Variants in CDKL5 observed in about 807,000 individuals in gnomAD.
CDKL5 encodes the protein cyclin-dependent kinase-like 5.
A neutral mutation model predicts 61.7 loss-of-function variants in CDKL5; 8 were observed. The observed-to-expected ratio is 0.13, with a 90% confidence interval of 0.08 to 0.23. The LOEUF is 0.23. Ranked by LOEUF, CDKL5 falls within the 10% of genes least tolerant of loss-of-function variation. CDKL5 has a pLI of 1.00. For missense variants in CDKL5, 440 were observed against 734.5 expected (o/e 0.60, Z 4.63); for synonymous variants, 275 against 272.3 (o/e 1.01, Z -0.10).
chrX:18,486,049 C>G (rs1489267392), intron 1 of CDKL5, among the ~76,000 whole-genome samples: 1 of 111,636 alleles, frequency 9.0e-6, no homozygotes, highest in Non-Finnish European at 1.9e-5. Context: ...GACTTCTTAG[C>G]ATGGTATAGA....
At position 18,624,495 on chromosome X, in the gene CDKL5, G is replaced by C. The variant is rs186324276; in HGVS notation, c.2377-633G>C. On this transcript the variant is annotated intron_variant, in intron 16 of 17. Transcript: ENST00000623535. ...CAGTTTAAAACCAGGGCTTTTGCTT[G>C]GCATTTGACATTACTCTTCTGTGTT... Among the ~76,000 whole-genome samples the C allele has an allele frequency of 5.4e-5, 6 of 111,858 alleles. No individual in the cohort carries two copies. The East Asian group carries it at 8.4e-4, about 16-fold the overall frequency.
chrX:18,459,462 T>C (rs1448825040), intron 1 of CDKL5, among the ~76,000 whole-genome samples: 1 of 109,111 alleles, frequency 9.2e-6, no homozygotes, highest in African/African-American at 3.3e-5. Flanking sequence ...CTCGGGAGGC[T>C]GAGGCAGGAG....
intron 3 of CDKL5, among the ~76,000 whole-genome samples, chrX:18,561,311 T>C (rs946530497): frequency 3.6e-5 from 4 of 111,297 alleles, no homozygotes; most frequent in Admixed American, 2.9e-4. Context: ...TAGGACACTT[T>C]GTCAGAAAAC....
chrX:18,593,155 A>G (rs1297674664), intron 9 of CDKL5, among the ~76,000 whole-genome samples: 1 of 112,032 alleles, frequency 8.9e-6, no homozygotes, highest in Non-Finnish European at 1.9e-5. Context: ...AGGCATTCTC[A>G]TTGGATTGTA....
At chrX:18,647,593 A>G in intron 20 of CDKL5, 1 of 378,876 alleles carries the variant, frequency 2.6e-6, no homozygotes, top group South Asian at 4.1e-5. Flanking sequence ...CTCTATGGCA[A>G]CTTCACAAGG....
intron 1 of CDKL5, among the ~76,000 whole-genome samples, chrX:18,446,560 A>G (rs1309411763): frequency 1.8e-5 from 2 of 111,894 alleles, no homozygotes; most frequent in African/African-American, 6.5e-5. Flanking sequence ...TCCTTTATGC[A>G]GTTGAAATTC....
intron 3 of CDKL5, among the ~76,000 whole-genome samples, chrX:18,539,829 T>A: frequency 8.9e-6 from 1 of 112,010 alleles, no homozygotes; most frequent in Non-Finnish European, 1.9e-5. Context: ...TAGTTACTGA[T>A]CTAGGTATTA....
At chrX:18,453,168 C>T (rs1398711355) in intron 1 of CDKL5, among the ~76,000 whole-genome samples, 3 of 111,399 alleles carry the variant, frequency 2.7e-5, no homozygotes, top group Non-Finnish European at 3.8e-5. Context: ...TCTTTTTGGT[C>T]ACACAACTTT....
chrX:18,434,174 A>C (rs1250606995), intron 1 of CDKL5, among the ~76,000 whole-genome samples: 1 of 112,091 alleles, frequency 8.9e-6, no homozygotes, highest in African/African-American at 3.2e-5. Context: ...TCCTTTGCTC[A>C]GTGTATTGCT....
chrX:18,477,781 C>T (rs1194708980), intron 1 of CDKL5, among the ~76,000 whole-genome samples: 1 of 111,529 alleles, frequency 9.0e-6, no homozygotes, highest in East Asian at 2.8e-4. Flanking sequence ...ATGTTAAAAC[C>T]TGAGATATGT....
chrX:18,580,713 A>C (rs375411233), intron 6 of CDKL5, among the ~76,000 whole-genome samples: 1 of 111,905 alleles, frequency 8.9e-6, no homozygotes, highest in East Asian at 2.8e-4. Flanking sequence ...CAATGACCCT[A>C]AATATTTATT....
intron 3 of CDKL5, among the ~76,000 whole-genome samples, chrX:18,541,519 T>TTTG (rs1924021686): frequency 8.9e-6 from 1 of 111,917 alleles, no homozygotes; most frequent in African/African-American, 3.2e-5. Context: ...ATAAGGTTTT[T>TTTG]TTGTTGTTGT....
At chrX:18,524,888 A>G (rs1923373929) in intron 3 of CDKL5, among the ~76,000 whole-genome samples, 1 of 111,570 alleles carries the variant, frequency 9.0e-6, no homozygotes, top group African/African-American at 3.3e-5. Context: ...TTTGTCAAAG[A>G]TCTGCTGATT....
At chrX:18,503,818 C>T (rs780662037) in intron 1 of CDKL5, among the ~76,000 whole-genome samples, 153 of 111,142 alleles carry the variant, frequency 1.4e-3, no homozygotes, top group African/African-American at 4.9e-3. Flanking sequence ...CACGGCTCAC[C>T]GCAGCTTCGC....
At chrX:18,649,041 C>CAA (rs746581850) in intron 20 of CDKL5, among the ~76,000 whole-genome samples, 3 of 50,807 alleles carry the variant, frequency 5.9e-5, no homozygotes, top group Non-Finnish European at 3.8e-5. Context: ...GACACTGTCT[C>CAA]AAAAAAAAAA....
intron 8 of CDKL5, among the ~76,000 whole-genome samples, chrX:18,584,979 T>A (rs1469119491): frequency 1.8e-5 from 2 of 112,370 alleles, no homozygotes; most frequent in African/African-American, 3.2e-5. Flanking sequence ...AACTTCCACA[T>A]TAAGAATGTG....
At chrX:18,554,713 G>A (rs1003530256) in intron 3 of CDKL5, among the ~76,000 whole-genome samples, 4 of 111,186 alleles carry the variant, frequency 3.6e-5, no homozygotes, top group African/African-American at 1.3e-4. Flanking sequence ...ACTGCGCCTG[G>A]CCATTTCACG....
intron 1 of CDKL5, among the ~76,000 whole-genome samples, chrX:18,483,288 C>A (rs1016304721): frequency 1.2e-4 from 13 of 111,755 alleles, no homozygotes; most frequent in African/African-American, 4.2e-4. Context: ...GAAGGGACTA[C>A]ATAACTTGCT....
Position 18,567,833 on chromosome X carries a change from C to T in CDKL5, c.145+3311C>T, listed in dbSNP as rs187884298. On this transcript the variant is annotated intron_variant, in intron 4 of 17. Coordinates refer to ENST00000623535, the MANE Select transcript of CDKL5 (RefSeq NM_001323289.2). ...CCAGAAGGTTGAGGCTGCAGTGAGC[C>T]GTGATCATGCCACTGCACTCCAGCC... 6.6e-3 allele frequency among the ~76,000 whole-genome samples: 740 copies of T among 111,463 alleles called. 8 individuals carry two copies. The highest frequency in any genetic ancestry group is 0.023 in the African/African-American group (691 of 30,681).
Sources: allele counts gnomAD v4.1 joint callset (sites outside exome capture counted in the v4.1 genomes callset), GRCh38; gene constraint gnomAD v4.1.1; transcripts MANE v1.5; gene names NCBI Gene and HGNC (gene_info 2026-07-23, HGNC 2026-07-21).